Variants in KNOP1 observed in about 807,000 individuals in gnomAD.
KNOP1 encodes the protein lysine-rich nucleolar protein 1.
In KNOP1, 20 loss-of-function variants were observed where a neutral mutation model predicts 30.6. The observed-to-expected ratio is 0.65, with a 90% confidence interval of 0.46 to 0.95. The LOEUF is 0.95. Ranked by LOEUF, KNOP1 falls within the 40% of genes least tolerant of loss-of-function variation. KNOP1 has a pLI of 0.00. For missense variants in KNOP1, 540 were observed against 562.0 expected, an observed-to-expected ratio of 0.96 and a Z score of 0.40; for synonymous variants, 204 against 210.0, an observed-to-expected ratio of 0.97 and a Z score of 0.25.
At chr16:19,711,675 G>C (rs548577035) in intron 2 of KNOP1, 2 of 548,296 alleles carry the variant, frequency 3.6e-6, no homozygotes, top group Non-Finnish European at 6.6e-6. Context: ...AAGAAACTGA[G>C]ACTCAGACAG....
Position 19,711,396 on chromosome 16 carries a change from G to A in KNOP1, c.963C>T (p.Asn321=). 1 of 1,614,188 alleles carries A rather than the reference G, an allele frequency of 6.2e-7. No individual in the cohort carries two copies. The highest frequency in any genetic ancestry group is 1.1e-5 in the South Asian group (1 of 91,084). The change falls in exon 3 of 5, where the codon AAC becomes AAT. Residue 321 remains asparagine (N), a synonymous_variant. Transcript: ENST00000219837. The part of the protein sequence containing the change: ...DLEVVLEKKG[N]MDEAHIDQVR... Reference sequence around the variant, plus strand: ...CCTGGTCTATGTGCGCCTCATCCATGTTGCCTTTTTTTTCCAACACCACCT... The same window carrying A: ...CCTGGTCTATGTGCGCCTCATCCATATTGCCTTTTTTTTCCAACACCACCT...
intron 4 of KNOP1, among the ~76,000 whole-genome samples, chr16:19,710,025 C>T (rs1976626271): frequency 6.6e-6 from 1 of 152,166 alleles, no homozygotes; most frequent in South Asian, 2.1e-4. Context: ...ACTCTCCAGC[C>T]TCATGATCCT....
Position 19,714,383 on chromosome 16 carries a change from A to G in KNOP1, c.653T>C (p.Ile218Thr), listed in dbSNP as rs569337210. Reference protein sequence around the residue: ...HNGKVKKKKKIHQEGDALPGH... With the variant: ...HNGKVKKKKKTHQEGDALPGH... ...TGGGAGGGCATCTCCCTCCTGGTGG[A>G]TTTTTTTTTTCTTCTTCACCTTCCC... The change falls in exon 2 of 5, where the codon ATC becomes ACC. Residue 218 changes from isoleucine to threonine, a missense_variant. Ile to Thr is a moderately conservative substitution (Grantham distance 89). Transcript: ENST00000219837. 10 of 1,592,140 alleles carry G rather than the reference A, an allele frequency of 6.3e-6. No homozygotes were observed. The highest frequency in any genetic ancestry group is 8.6e-6 in the Non-Finnish European group (10 of 1,165,412).
Position 19,714,640 on chromosome 16 carries a change from G to A in KNOP1, c.396C>T (p.Ser132=), listed in dbSNP as rs766441939. ...CCTCCTCACCCTGTCTAGGGTCTGG[G>A]GAGGTTTTCACCCCAGAGGCATGGG... ...AMSHASGVKT[S]PDPRQGEEET... The change falls in exon 2 of 5, where the codon TCC becomes TCT. Residue 132 remains serine (S), a synonymous_variant. Coordinates refer to ENST00000219837, the MANE Select transcript of KNOP1 (RefSeq NM_001012991.3). 1 of 1,614,066 alleles carries A rather than the reference G, an allele frequency of 6.2e-7. No individual in the cohort carries two copies. Among genetic ancestry groups the A allele is most frequent in the Middle Eastern group, 1.6e-4 (1 of 6,062 alleles).
rs921022868 is a variant in KNOP1 at position 19,702,822 on chromosome 16, C to A, written c.*4088G>T. 6.6e-6 allele frequency: 1 copy of A among 152,028 alleles called. No individual in the cohort carries two copies. The highest frequency in any genetic ancestry group is 2.4e-5 in the African/African-American group (1 of 41,356). 9.4% of individuals were successfully genotyped at this position (152,028 alleles called of 1,614,324 possible). On this transcript the variant is annotated 3_prime_UTR_variant, in exon 5 of 5. Coordinates refer to ENST00000219837, the MANE Select transcript of KNOP1 (RefSeq NM_001012991.3). ...CCTGGCCAACATGGTGAAACTCCAT[C>A]TCTACTAAAAATACAAAAAAAAATT...
At chr16:19,713,068 G>C (rs1339610961) in intron 2 of KNOP1, among the ~76,000 whole-genome samples, 5 of 151,900 alleles carry the variant, frequency 3.3e-5, no homozygotes, top group Non-Finnish European at 5.9e-5. Context: ...GTGTGGTTTA[G>C]TTAGGACTGA....
chr16:19,708,193 TGCG>T (rs1976518502), intron 4 of KNOP1, among the ~76,000 whole-genome samples: 3 of 145,844 alleles, frequency 2.1e-5, no homozygotes, highest in South Asian at 4.5e-4. Context: ...CGGGAACGGG[TGCG>T]GGCCCACAGG....
intron 4 of KNOP1, among the ~76,000 whole-genome samples, chr16:19,707,974 T>C (rs1976502967): frequency 1.1e-5 from 1 of 87,454 alleles, no homozygotes; most frequent in South Asian, 4.8e-4. Flanking sequence ...CCCACCTCCC[T>C]ACACAGCGCA....
rs1317450102 is a variant in KNOP1, at chr16:19,706,215, TGTC to T, written c.*692_*694del. 1 of 152,614 alleles carries T rather than the reference TGTC, an allele frequency of 6.6e-6. No individual in the cohort carries two copies. The highest frequency in any genetic ancestry group is 1.5e-5 in the Non-Finnish European group (1 of 68,050). The allele number at this position is 152,614 out of a possible 1,614,324, so 9.5% of individuals were successfully genotyped here. A position where few individuals can be genotyped will look rare whatever the true frequency, so the allele number is the denominator to read the frequency against. On this transcript the variant is annotated 3_prime_UTR_variant, in exon 5 of 5. Coordinates refer to ENST00000219837, the MANE Select transcript of KNOP1 (RefSeq NM_001012991.3). The stretch of plus-strand genomic sequence containing the variant: ...CCACTTTTTATCAGAGATGCAGACT[TGTC>T]ATAAAACTTTTTCCTCCATCTAAAG...
intron 2 of KNOP1, 102 bp downstream of exon 2, chr16:19,714,016 A>C: frequency 5.0e-6 from 5 of 991,246 alleles, no homozygotes; most frequent in Non-Finnish European, 7.5e-6. Flanking sequence ...TAAAAGCATG[A>C]GTACTCGTGC....
intron 2 of KNOP1, 30 bp downstream of exon 2, chr16:19,714,088 G>A (rs79810083): frequency 0.025 from 39,343 of 1,550,624 alleles, 558 homozygotes; most frequent in South Asian, 0.043. Context: ...ATTCTCCCAC[G>A]GCAAAGTCCA....
At position 19,704,704 on chromosome 16, in the gene KNOP1, T is replaced by G. The variant is rs1388429483; in HGVS notation, c.*2206A>C. ...AAAGGAGGAGGTGCCCAGAAGGCAC[T>G]CACTCAAATCCAGAACACTGCCTCT... is the stretch of plus-strand genomic sequence containing the variant. On this transcript the variant is annotated 3_prime_UTR_variant, in exon 5 of 5. Coordinates refer to ENST00000219837, the MANE Select transcript of KNOP1 (RefSeq NM_001012991.3). 6.5e-6 allele frequency: 1 copy of G among 154,782 alleles called. No homozygotes were observed. The highest frequency in any genetic ancestry group is 1.4e-5 in the Non-Finnish European group (1 of 69,810). The allele number at this position is 154,782 out of a possible 1,614,324, so 9.6% of individuals were successfully genotyped here.
Position 19,705,522 on chromosome 16 carries a change from TCTC to T in KNOP1, c.*1385_*1387del, listed in dbSNP as rs987866912. On this transcript the variant is annotated 3_prime_UTR_variant, in exon 5 of 5. Transcript: ENST00000219837. ...TTCCCGTGTCATCTCCACACGTTCA[TCTC>T]CTCCTGGCATTCAATATCCACCTAC... 3.5e-5 allele frequency: 10 copies of T among 289,116 alleles called. No homozygotes were observed. The highest frequency in any genetic ancestry group is 8.9e-5 in the African/African-American group (4 of 44,934). The allele number at this position is 289,116 out of a possible 1,614,324, so 17.9% of individuals were successfully genotyped here.
At position 19,703,470 on chromosome 16, in the gene KNOP1, G is replaced by A. The variant is rs1348140250; in HGVS notation, c.*3440C>T. 1 of 151,904 alleles carries A rather than the reference G, an allele frequency of 6.6e-6. No individual in the cohort carries two copies. The highest frequency in any genetic ancestry group is 2.4e-5 in the African/African-American group (1 of 41,320). The allele number at this position is 151,904 out of a possible 1,614,324, so 9.4% of individuals were successfully genotyped here. On this transcript the variant is annotated 3_prime_UTR_variant, in exon 5 of 5. Transcript: ENST00000219837. ...AGCAAACTTAATTCCCTTTTGTTTC[G>A]TAACCTAACAAATACACAGGTTCTG... is the stretch of plus-strand genomic sequence containing the variant.
rs1342532243 is a variant in KNOP1, at chr16:19,705,199, G to A, written c.*1711C>T. 6.6e-6 allele frequency: 3 copies of A among 456,076 alleles called. No individual in the cohort carries two copies. The highest frequency in any genetic ancestry group is 1.3e-5 in the Non-Finnish European group (3 of 226,802). The allele number at this position is 456,076 out of a possible 1,614,324, so 28.3% of individuals were successfully genotyped here. Reference sequence around the variant, plus strand: ...CAACACTGGAGATGATGGAGAGAATGCTTCCTTGGCGAGCTGTTGAACCAG... The same window carrying A: ...CAACACTGGAGATGATGGAGAGAATACTTCCTTGGCGAGCTGTTGAACCAG... On this transcript the variant is annotated 3_prime_UTR_variant, in exon 5 of 5. Transcript: ENST00000219837.
rs749161064 is a variant in KNOP1, at chr16:19,715,074, G to C, written c.-2-37C>G. On this transcript the variant is annotated intron_variant, in intron 1 of 4. Coordinates refer to ENST00000219837, the MANE Select transcript of KNOP1 (RefSeq NM_001012991.3). ...AATGGTACAAGTTATCCCATACCAA[G>C]CCATCCTGTGTTCAATTCTACTAAG... is the stretch of plus-strand genomic sequence containing the variant. The C allele has an allele frequency of 2.7e-5, 39 of 1,445,982 alleles. 3 individuals are homozygous for C. In the South Asian group the frequency reaches 5.2e-4, roughly 19 times the overall value. The allele number at this position is 1,445,982 out of a possible 1,614,324, so 89.6% of individuals were successfully genotyped here. A position where few individuals can be genotyped will look rare whatever the true frequency, so the allele number is the denominator to read the frequency against.
At chr16:19,715,078 T>C in intron 1 of KNOP1, 41 bp from the exon 2 acceptor site, 1 of 1,434,974 alleles carries the variant, frequency 7.0e-7, no homozygotes, top group South Asian at 1.4e-5. Flanking sequence ...TACCAAGCCA[T>C]CCTGTGTTCA....
intron 1 of KNOP1, chr16:19,717,493 GAACA>G (rs1977220793): frequency 1.0e-6 from 1 of 985,274 alleles, no homozygotes; most frequent in African/African-American, 1.7e-5. Context: ...GATCTGGTAA[GAACA>G]AAGAATCCAC....
intron 4 of KNOP1, among the ~76,000 whole-genome samples, chr16:19,708,003 C>T (rs937099402): frequency 6.9e-6 from 1 of 144,706 alleles, no homozygotes; most frequent in Non-Finnish European, 1.5e-5. Context: ...CACCATGCAT[C>T]TCACAAGACA....
Sources: gnomAD v4.1 joint callset for allele counts (sites outside exome capture counted in the v4.1 genomes callset) on GRCh38, gnomAD v4.1.1 for gene constraint, MANE v1.5 for transcripts, NCBI Gene and HGNC (gene_info 2026-07-23, HGNC 2026-07-21) for gene names.